ATP9B: variants seen among roughly 807,000 people sequenced by gnomAD.
ATP9B encodes ATPase phospholipid transporting 9B.
In ATP9B, 110 loss-of-function variants were observed where a neutral mutation model predicts 146.1. The observed-to-expected ratio is 0.75, with a 90% CI of 0.65 to 0.88. ATP9B has a LOEUF of 0.88. Ranked by LOEUF, ATP9B falls within the 40% of genes least tolerant of loss-of-function variation. The probability of loss-of-function intolerance (pLI) is 0.00; values close to 1 mark genes in which losing one functional copy is unlikely to be tolerated. For missense variants in ATP9B, 1,499 were observed against 1,496.4 expected (o/e 1.00, Z -0.03); for synonymous variants, 604 against 569.7 (o/e 1.06, Z -0.86).
At chr18:79,234,639 G>T (rs537348102) in intron 11 of ATP9B, among the ~76,000 whole-genome samples, 1 of 142,796 alleles carries the variant, frequency 7.0e-6, no homozygotes, top group Admixed American at 6.9e-5. Context: ...TGGGTGTGCT[G>T]CTGTGGGCGT....
intron 12 of ATP9B, among the ~76,000 whole-genome samples, chr18:79,273,334 G>T (rs2096275313): frequency 6.6e-6 from 1 of 152,218 alleles, no homozygotes; most frequent in South Asian, 2.1e-4. Flanking sequence ...CACCCAGGGA[G>T]AGTGTTTGGG....
intron 7 of ATP9B, among the ~76,000 whole-genome samples, chr18:79,171,189 T>C (rs2095064823): frequency 6.6e-6 from 1 of 152,208 alleles, no homozygotes; most frequent in African/African-American, 2.4e-5. Flanking sequence ...TAAAAACCTA[T>C]TTTTAAAAAT....
intron 7 of ATP9B, among the ~76,000 whole-genome samples, chr18:79,161,377 A>G (rs2094877467): frequency 6.6e-6 from 1 of 152,286 alleles, no homozygotes; most frequent in African/African-American, 2.4e-5. Flanking sequence ...AGAAAAATGT[A>G]TACACTGCAC....
At chr18:79,374,538 G>A (rs112297368) in intron 28 of ATP9B, among the ~76,000 whole-genome samples, 3 of 150,794 alleles carry the variant, frequency 2.0e-5, no homozygotes, top group East Asian at 2.0e-4. Flanking sequence ...GACAGGAGGC[G>A]CTGAGCCCCG....
At chr18:79,208,779 A>T (rs1322164290) in intron 10 of ATP9B, among the ~76,000 whole-genome samples, 1 of 145,652 alleles carries the variant, frequency 6.9e-6, no homozygotes, top group Non-Finnish European at 1.5e-5. Flanking sequence ...ATACGTATAT[A>T]AATTTCTTAA....
chr18:79,327,544 C>A (rs2096757712), intron 15 of ATP9B, among the ~76,000 whole-genome samples: 1 of 139,232 alleles, frequency 7.2e-6, no homozygotes. Context: ...TTAGCGTGCT[C>A]TCCGTGGTTA....
At chr18:79,096,938 C>T (rs1365763425) in intron 2 of ATP9B, among the ~76,000 whole-genome samples, 1 of 152,004 alleles carries the variant, frequency 6.6e-6, no homozygotes, top group Non-Finnish European at 1.5e-5. Context: ...GGGCAGATCA[C>T]TTTGAGCTCA....
intron 1 of ATP9B, among the ~76,000 whole-genome samples, chr18:79,075,064 T>G (rs76936817): frequency 6.6e-6 from 1 of 151,678 alleles, no homozygotes; most frequent in African/African-American, 2.4e-5. Flanking sequence ...CTTGTGACTT[T>G]GTTTATTCTT....
chr18:79,291,399 G>A (rs989786326), intron 13 of ATP9B, among the ~76,000 whole-genome samples: 11 of 152,166 alleles, frequency 7.2e-5, no homozygotes, highest in Admixed American at 6.5e-4. Context: ...ATCATGGAGA[G>A]CATTTGAGGT....
chr18:79,295,468 G>T (rs2096541189), intron 13 of ATP9B, among the ~76,000 whole-genome samples: 1 of 151,960 alleles, frequency 6.6e-6, no homozygotes, highest in South Asian at 2.1e-4. Context: ...AGTGAAAGGG[G>T]GTATTATGTC....
intron 7 of ATP9B, among the ~76,000 whole-genome samples, chr18:79,155,201 A>G (rs951037913): frequency 1.3e-5 from 2 of 152,252 alleles, no homozygotes; most frequent in African/African-American, 4.8e-5. Flanking sequence ...GGAAGTGCAT[A>G]CATTGACAGC....
intron 1 of ATP9B, among the ~76,000 whole-genome samples, chr18:79,073,460 C>T (rs2072204872): frequency 6.6e-6 from 1 of 152,234 alleles, no homozygotes; most frequent in Non-Finnish European, 1.5e-5. Context: ...AACCCCGTCT[C>T]CACCAAAAAA....
rs116388142 is a variant in ATP9B at position 79,109,309 on chromosome 18, T to A, written c.294-1046T>A. 3.9e-3 allele frequency among the ~76,000 whole-genome samples: 588 copies of A among 152,298 alleles called. 3 individuals are homozygous for A. The highest frequency in any genetic ancestry group is 0.025 in the South Asian group (119 of 4,826). Reference sequence around the variant, plus strand: ...TATTTTGTGCTTAAAAGAGATGAATTTGATACCTTTTCATCATTTTCTGAG... The same window carrying A: ...TATTTTGTGCTTAAAAGAGATGAATATGATACCTTTTCATCATTTTCTGAG... On this transcript the variant is annotated intron_variant, in intron 2 of 29. Coordinates refer to ENST00000426216, the MANE Select transcript of ATP9B (RefSeq NM_198531.5).
chr18:79,121,188 T>G (rs187660470), intron 4 of ATP9B, among the ~76,000 whole-genome samples: 1 of 152,356 alleles, frequency 6.6e-6, no homozygotes, highest in Admixed American at 6.5e-5. Context: ...CTTTTTCTCC[T>G]TTTACAAAAA....
intron 6 of ATP9B, among the ~76,000 whole-genome samples, chr18:79,148,496 T>C (rs1377077224): frequency 1.3e-5 from 2 of 152,084 alleles, no homozygotes; most frequent in African/African-American, 4.8e-5. Context: ...TAAAGAAAAA[T>C]CACACAATCA....
At chr18:79,088,986 T>A (rs1244834894) in intron 1 of ATP9B, among the ~76,000 whole-genome samples, 1 of 152,208 alleles carries the variant, frequency 6.6e-6, no homozygotes, top group Non-Finnish European at 1.5e-5. Context: ...CCATATTGAA[T>A]GTTAAGAATT....
intron 26 of ATP9B, chr18:79,363,687 T>C (rs1483940418): frequency 6.6e-6 from 1 of 152,222 alleles, no homozygotes; most frequent in South Asian, 2.1e-4. Flanking sequence ...TGTTCATGGA[T>C]TGAGAGGCAT....
intron 1 of ATP9B, among the ~76,000 whole-genome samples, chr18:79,083,643 C>T (rs2073498473): frequency 6.6e-6 from 1 of 152,118 alleles, no homozygotes; most frequent in Non-Finnish European, 1.5e-5. Context: ...CTCAGTGCTT[C>T]CCTTGGCTAG....
chr18:79,207,152 G>T, intron 10 of ATP9B, 140 bp downstream of exon 10: 1 of 745,958 alleles, frequency 1.3e-6, no homozygotes, highest in Non-Finnish European at 2.2e-6. Context: ...CAGCTCAGTG[G>T]GTCTGAGACA....
Sources: gnomAD v4.1 joint callset for allele counts (sites outside exome capture counted in the v4.1 genomes callset) on GRCh38, gnomAD v4.1.1 for gene constraint, MANE v1.5 for transcripts, NCBI Gene and HGNC (gene_info 2026-07-23, HGNC 2026-07-21) for gene names.